GALNT14: variants seen among roughly 807,000 people sequenced by gnomAD.
GALNT14 encodes UDP-GalNAc:polypeptide N-acetylgalactosaminyltransferase 14.
In GALNT14, 60 loss-of-function variants were observed where a neutral mutation model predicts 77.5. The ratio of observed to expected loss-of-function variants is 0.77; its 90% CI spans 0.63 to 0.96. The LOEUF (loss-of-function observed/expected upper bound fraction) is 0.96. Ranked by LOEUF, GALNT14 falls within the 40% of genes least tolerant of loss-of-function variation. The pLI, the probability that GALNT14 is intolerant of heterozygous loss-of-function variation, is 0.00. For synonymous variants in GALNT14, 280 were observed against 281.7 expected (o/e 0.99, Z 0.06); for missense variants, 710 against 731.0 (o/e 0.97, Z 0.33).
At chr2:30,955,086 T>C (rs1178702823) in intron 6 of GALNT14, among the ~76,000 whole-genome samples, 1 of 152,198 alleles carries the variant, frequency 6.6e-6, no homozygotes, top group African/African-American at 2.4e-5. Flanking sequence ...ACTGGAGGAA[T>C]GAAGCATCCA....
At chr2:30,905,301 G>A in the GALNT14 span, among the ~76,000 whole-genome samples, 1 of 151,702 alleles carries the variant, frequency 6.6e-6, no homozygotes, top group African/African-American at 2.4e-5. Context: ...GCAAAGAAGT[G>A]GAAAACTTTG....
In GALNT14 at chr2:30,986,149, C is replaced by T. The variant is rs141522958; in HGVS notation, c.299+6689G>A. 1.6e-3 allele frequency among the ~76,000 whole-genome samples: 243 copies of T among 152,220 alleles called. 3 individuals carry two copies. Among genetic ancestry groups the T allele is most frequent in the African/African-American group, 5.6e-3 (231 of 41,530 alleles). ...ATTTTCCCTACAGGCAAGTGATGGG[C>T]GCCCCACTGTCTGAGCCATTTAGCA... On this transcript the variant is annotated intron_variant, in intron 2 of 14. Transcript: ENST00000349752.
intron 6 of GALNT14, among the ~76,000 whole-genome samples, chr2:30,947,364 G>T (rs1389363275): frequency 2.0e-5 from 3 of 152,064 alleles, no homozygotes. Flanking sequence ...TACTTGCTAC[G>T]TCCCTCAGGC....
intron 2 of GALNT14, among the ~76,000 whole-genome samples, chr2:30,985,142 A>ATGAG (rs1553350346): frequency 2.5e-5 from 3 of 120,436 alleles, no homozygotes; most frequent in South Asian, 3.2e-4. Context: ...GAATGAGCAA[A>ATGAG]TGAGTGAGTG....
Position 30,995,130 on chromosome 2 carries a change from TTGTGTGTGTGTGTG to T in GALNT14, c.130-2137_130-2124del, listed in dbSNP as rs3058232. Among the ~76,000 whole-genome samples, 533 of 144,140 alleles carry T rather than the reference TTGTGTGTGTGTGTG, an allele frequency of 3.7e-3. 7 individuals carry two copies. The highest frequency in any genetic ancestry group is 0.013 in the African/African-American group (499 of 38,586). 94.6% of individuals were successfully genotyped at this position (144,140 alleles called of 152,430 possible). ...GTCCTCTAGACAAGCAGAACCAATGTTGTGTGTGTGTGTGTGTGTGTGTGTGTGTGTGTGTGTGT... is the reference window on the plus strand; with the variant it reads ...GTCCTCTAGACAAGCAGAACCAATGTTGTGTGTGTGTGTGTGTGTGTGTGT... On this transcript the variant is annotated intron_variant, in intron 1 of 14. Transcript: ENST00000349752.
intron 1 of GALNT14, among the ~76,000 whole-genome samples, chr2:31,050,352 G>A (rs1438482093): frequency 6.6e-6 from 1 of 152,166 alleles, no homozygotes; most frequent in South Asian, 2.1e-4. Context: ...ACGTAAGAAG[G>A]TAGAGAGCCC....
intron 4 of GALNT14, among the ~76,000 whole-genome samples, chr2:30,957,778 A>C (rs1318384410): frequency 2.0e-5 from 3 of 152,176 alleles, no homozygotes; most frequent in Non-Finnish European, 4.4e-5. Flanking sequence ...CGTCACCAGG[A>C]AGAGGGTGTT....
At chr2:31,099,812 T>C (rs1677175322) in intron 1 of GALNT14, among the ~76,000 whole-genome samples, 1 of 152,022 alleles carries the variant, frequency 6.6e-6, no homozygotes, top group African/African-American at 2.4e-5. Flanking sequence ...AAATTCAATA[T>C]CTAGTAGCGC....
chr2:31,065,729 G>C (rs1674906423), intron 1 of GALNT14, among the ~76,000 whole-genome samples: 1 of 152,286 alleles, frequency 6.6e-6, no homozygotes, highest in South Asian at 2.1e-4. Context: ...TTCAAATCGT[G>C]CTGGGGAGCC....
intron 1 of GALNT14, among the ~76,000 whole-genome samples, chr2:31,104,809 T>C (rs1488432648): frequency 6.6e-6 from 1 of 152,196 alleles, no homozygotes; most frequent in East Asian, 1.9e-4. Flanking sequence ...AGGGGCACAC[T>C]AGCTCAACCT....
At chr2:30,963,042 C>T (rs1166972409) in intron 3 of GALNT14, among the ~76,000 whole-genome samples, 2 of 152,196 alleles carry the variant, frequency 1.3e-5, no homozygotes, top group Non-Finnish European at 2.9e-5. Context: ...ACACATGCCT[C>T]TCAGGTCTCC....
At chr2:31,111,330 G>A (rs534386334) in intron 1 of GALNT14, among the ~76,000 whole-genome samples, 199 of 152,346 alleles carry the variant, frequency 1.3e-3, no homozygotes, top group African/African-American at 4.5e-3. Context: ...CCAGGCAAAA[G>A]GGCCAGGGCT....
intron 13 of GALNT14, among the ~76,000 whole-genome samples, chr2:30,913,699 G>GC (rs1664506461): frequency 1.3e-5 from 2 of 152,106 alleles, no homozygotes; most frequent in Non-Finnish European, 2.9e-5. Flanking sequence ...TGGGAGAATG[G>GC]CTCCTGCATT....
chr2:31,108,446 C>A (rs1407342446), intron 1 of GALNT14, among the ~76,000 whole-genome samples: 4 of 152,160 alleles, frequency 2.6e-5, no homozygotes, highest in Non-Finnish European at 5.9e-5. Context: ...GAAGACCTAA[C>A]CCAGTTTAAT....
At position 31,138,172 on chromosome 2, in the gene GALNT14, G is replaced by A; in HGVS notation, c.-86C>T. ...GGGTTGGCGGGGCAGGAGTCCTGGCGAGCGCCTCGCTCTGGGGAGCTCTAG... is the reference window on the plus strand; with the variant it reads ...GGGTTGGCGGGGCAGGAGTCCTGGCAAGCGCCTCGCTCTGGGGAGCTCTAG... On this transcript the variant is annotated 5_prime_UTR_variant, in exon 1 of 15. Coordinates refer to ENST00000349752, the MANE Select transcript of GALNT14 (RefSeq NM_024572.4). 1 of 1,566,576 alleles carries A rather than the reference G, an allele frequency of 6.4e-7. No homozygotes were observed. Among genetic ancestry groups the A allele is most frequent in the Non-Finnish European group, 8.7e-7 (1 of 1,143,092 alleles).
intron 1 of GALNT14, among the ~76,000 whole-genome samples, chr2:31,118,115 C>T (rs1173485720): frequency 6.6e-6 from 1 of 152,064 alleles, no homozygotes; most frequent in Non-Finnish European, 1.5e-5. Context: ...AGTAATTAGA[C>T]GTATCATGGC....
the GALNT14 span, among the ~76,000 whole-genome samples, chr2:30,903,345 G>C: frequency 6.6e-6 from 1 of 152,226 alleles, no homozygotes; most frequent in Non-Finnish European, 1.5e-5. Context: ...TTAATTCTTT[G>C]AGTGCTGGCT....
At chr2:31,075,366 C>T (rs990352255) in intron 1 of GALNT14, among the ~76,000 whole-genome samples, 6 of 152,206 alleles carry the variant, frequency 3.9e-5, no homozygotes, top group Non-Finnish European at 7.3e-5. Context: ...CAAACTAGCA[C>T]ACATCTTTCA....
At chr2:31,025,657 A>G (rs755369929) in intron 1 of GALNT14, among the ~76,000 whole-genome samples, 1 of 152,224 alleles carries the variant, frequency 6.6e-6, no homozygotes, top group Non-Finnish European at 1.5e-5. Context: ...AAGCATCTGT[A>G]ACATGAAAGA....
Sources: gnomAD v4.1 joint callset for allele counts (sites outside exome capture counted in the v4.1 genomes callset) on GRCh38, gnomAD v4.1.1 for gene constraint, MANE v1.5 for transcripts, NCBI Gene and HGNC (gene_info 2026-07-23, HGNC 2026-07-21) for gene names.